The following RYR2 variants were observed in gnomAD, a reference collection of about 807,000 sequenced individuals.
The protein encoded by RYR2 is ryanodine receptor 2, also known as cardiac muscle ryanodine receptor-calcium release channel.
A neutral mutation model predicts 601.1 loss-of-function variants in RYR2; 227 were observed. That is an observed-to-expected ratio of 0.38 (90% CI 0.34 to 0.42). The LOEUF (loss-of-function observed/expected upper bound fraction) is 0.42. Among genes scored for constraint, RYR2 ranks in the 10% least tolerant of loss-of-function variants. RYR2 has a pLI of 1.00. For missense variants in RYR2, 4,646 were observed against 6,156.5 expected (o/e 0.75, Z 8.21); for synonymous variants, 2,223 against 2,175.1 (o/e 1.02, Z -0.61).
chr1:237,140,940 A>G (rs1673322222), intron 1 of RYR2, among the ~76,000 whole-genome samples: 1 of 152,212 alleles, frequency 6.6e-6, no homozygotes, highest in African/African-American at 2.4e-5. Context: ...CTGCTGTGTT[A>G]TAGTCACTTT....
At chr1:237,511,834 G>GACAAA in intron 24 of RYR2, 43 bp downstream of exon 24, 1 of 187,582 alleles carries the variant, frequency 5.3e-6, no homozygotes, top group Non-Finnish European at 9.4e-6. Context: ...TGCCTTCCCT[G>GACAAA]AAAAAAAAAA....
intron 41 of RYR2, among the ~76,000 whole-genome samples, chr1:237,629,381 A>T (rs1018740769): frequency 3.2e-4 from 48 of 152,154 alleles, no homozygotes; most frequent in East Asian, 1.5e-3. Context: ...AAATATTTTT[A>T]AAAATAATTA....
intron 20 of RYR2, among the ~76,000 whole-genome samples, chr1:237,500,268 A>G (rs1251545609): frequency 2.0e-5 from 3 of 152,220 alleles, no homozygotes. Flanking sequence ...TTAATCGTCA[A>G]AATAACTAAA....
At chr1:237,649,166 G>T (rs1018443189) in intron 49 of RYR2, among the ~76,000 whole-genome samples, 4 of 152,274 alleles carry the variant, frequency 2.6e-5, no homozygotes, top group Middle Eastern at 3.4e-3. Flanking sequence ...ATAAGCTGAA[G>T]TTCTAAATGT....
chr1:237,123,423 C>CA (rs1440957093), intron 1 of RYR2, among the ~76,000 whole-genome samples: 2 of 151,752 alleles, frequency 1.3e-5, no homozygotes, highest in South Asian at 2.1e-4. Flanking sequence ...CTAGTCTCTA[C>CA]AAAAAAATAG....
At chr1:237,752,197 T>G (rs987356835) in intron 80 of RYR2, among the ~76,000 whole-genome samples, 1 of 152,158 alleles carries the variant, frequency 6.6e-6, no homozygotes, top group African/African-American at 2.4e-5. Context: ...GTTTGTTTGT[T>G]TATTTATTTA....
At chr1:237,218,242 G>T (rs1394595105) in intron 1 of RYR2, among the ~76,000 whole-genome samples, 1 of 152,122 alleles carries the variant, frequency 6.6e-6, no homozygotes, top group East Asian at 1.9e-4. Flanking sequence ...GTGAATTATT[G>T]ATTATGATCA....
intron 24 of RYR2, among the ~76,000 whole-genome samples, chr1:237,524,987 A>T (rs537437655): frequency 6.6e-6 from 1 of 152,276 alleles, no homozygotes; most frequent in South Asian, 2.1e-4. Flanking sequence ...ATTGCTATGT[A>T]CAGAGATACA....
chr1:237,803,875 C>CT (rs780235786), intron 98 of RYR2, among the ~76,000 whole-genome samples: 23 of 152,004 alleles, frequency 1.5e-4, no homozygotes, highest in Non-Finnish European at 2.5e-4. Context: ...ACTTTTGCTG[C>CT]TTTTTTTGGC....
Position 237,106,403 on chromosome 1 carries a change from C to T in RYR2, c.48+63834C>T, listed in dbSNP as rs1311363533. 6.6e-6 allele frequency among the ~76,000 whole-genome samples: 1 copy of T among 152,146 alleles called. No individual in the cohort carries two copies. The highest frequency in any genetic ancestry group is 1.5e-5 in the Non-Finnish European group (1 of 68,032). On this transcript the variant is annotated intron_variant, in intron 1 of 104. Coordinates refer to ENST00000366574, the MANE Select transcript of RYR2 (RefSeq NM_001035.3). This position sits in a 1 kb window ranked among gnomAD's most constrained non-coding sequence, Gnocchi z 4.4. ...GGACATAGAGCCAGGAGGATTTCCTCATGGTTCTGATGAGGGTTGAGAGAG... is the reference window on the plus strand; with the variant it reads ...GGACATAGAGCCAGGAGGATTTCCTTATGGTTCTGATGAGGGTTGAGAGAG...
chr1:237,100,469 C>T (rs1325955086), intron 1 of RYR2, among the ~76,000 whole-genome samples: 1 of 150,786 alleles, frequency 6.6e-6, no homozygotes, highest in African/African-American at 2.4e-5. Context: ...TCAATGCAAC[C>T]TCCACTTCCC....
Position 237,792,303 on chromosome 1 carries a change from A to T in RYR2, c.13762A>T (p.Ile4588Phe), listed in dbSNP as rs1658471348. The change falls in exon 94 of 105, where the codon ATT becomes TTT. Residue 4588 changes from isoleucine to phenylalanine, a missense_variant. Physicochemically the swap from Ile to Phe is conservative, Grantham distance 21. Coordinates refer to ENST00000366574, the MANE Select transcript of RYR2 (RefSeq NM_001035.3). ...CACGGTCATTTCTTTCTTCTGCATC[A>T]TTGGATACTACTGCTTGAAAGTAAG... ...LHTVISFFCIIGYYCLKVPLV... is the reference protein window; with the variant it reads ...LHTVISFFCIFGYYCLKVPLV... The T allele has an allele frequency of 6.2e-7, 1 of 1,609,820 alleles. No individual in the cohort carries two copies. The highest frequency in any genetic ancestry group is 8.5e-7 in the Non-Finnish European group (1 of 1,177,638).
chr1:237,099,940 T>A (rs1667901505), intron 1 of RYR2, among the ~76,000 whole-genome samples: 1 of 152,198 alleles, frequency 6.6e-6, no homozygotes, highest in African/African-American at 2.4e-5. Flanking sequence ...AACTGGGATA[T>A]GAACCCAGCG....
At chr1:237,243,730 A>C (rs928135818) in intron 1 of RYR2, among the ~76,000 whole-genome samples, 1 of 152,242 alleles carries the variant, frequency 6.6e-6, no homozygotes, top group African/African-American at 2.4e-5. Context: ...GGAGAAGATC[A>C]GAGAGATTCT....
chr1:237,734,687 A>G (rs1690984452), intron 79 of RYR2, among the ~76,000 whole-genome samples: 1 of 152,180 alleles, frequency 6.6e-6, no homozygotes, highest in African/African-American at 2.4e-5. Context: ...AGGTTTTGCT[A>G]AGGCTTCTCA....
rs538333190 is a variant in RYR2, at chr1:237,474,105, G to A, written c.1708+4918G>A. Among the ~76,000 whole-genome samples the A allele has an allele frequency of 8.3e-4, 126 of 151,998 alleles. 1 individual carries two copies. Among genetic ancestry groups the A allele is most frequent in the African/African-American group, 2.9e-3 (121 of 41,490 alleles). ...GGAGTTGACAGGTGCAGGAAGCTGAGCTGCCGTCAGCCCTGACTGTCAGCT... is the reference window on the plus strand; with the variant it reads ...GGAGTTGACAGGTGCAGGAAGCTGAACTGCCGTCAGCCCTGACTGTCAGCT... On this transcript the variant is annotated intron_variant, in intron 17 of 104. Coordinates refer to ENST00000366574, the MANE Select transcript of RYR2 (RefSeq NM_001035.3).
chr1:237,143,763 A>G (rs1243550269), intron 1 of RYR2, among the ~76,000 whole-genome samples: 1 of 151,642 alleles, frequency 6.6e-6, no homozygotes, highest in African/African-American at 2.4e-5. Flanking sequence ...CAACTCAAAT[A>G]CCCCCTGTCT....
At chr1:237,597,628 A>G (rs975241275) in intron 34 of RYR2, among the ~76,000 whole-genome samples, 1 of 152,042 alleles carries the variant, frequency 6.6e-6, no homozygotes, top group East Asian at 1.9e-4. Context: ...AAGATGGTCT[A>G]TTATAACTAC....
At chr1:237,350,884 G>A (rs1698780976) in intron 3 of RYR2, among the ~76,000 whole-genome samples, 1 of 151,656 alleles carries the variant, frequency 6.6e-6, no homozygotes, top group Non-Finnish European at 1.5e-5. Context: ...AAATGAATGA[G>A]GATATAGAAA....
Sources: gnomAD v4.1 joint callset for allele counts (sites outside exome capture counted in the v4.1 genomes callset) on GRCh38, gnomAD v4.1.1 for gene constraint, Gnocchi (gnomAD v3.1) non-coding constraint, MANE v1.5 for transcripts, NCBI Gene and HGNC (gene_info 2026-07-23, HGNC 2026-07-21) for gene names.